EPSTI1: variants seen among roughly 807,000 people sequenced by gnomAD.
EPSTI1 encodes the protein epithelial-stromal interaction protein 1.
In EPSTI1, 66 loss-of-function variants were observed where a neutral mutation model predicts 49.9. The observed-to-expected ratio is 1.32, with a 90% CI of 1.08 to 1.62. The LOEUF (loss-of-function observed/expected upper bound fraction) is 1.62, where lower values mean the gene tolerates loss of function less well. EPSTI1 is among the 40% of genes most tolerant of loss of function. The probability of loss-of-function intolerance (pLI) is 0.00; values close to 1 mark genes in which losing one functional copy is unlikely to be tolerated. For synonymous variants in EPSTI1, 137 were observed against 130.7 expected, an observed-to-expected ratio of 1.05 and a Z score of -0.33; for missense variants, 394 against 365.5, an observed-to-expected ratio of 1.08 and a Z score of -0.64.
chr13:42,952,484 T>C (rs2039131100), intron 6 of EPSTI1, among the ~76,000 whole-genome samples: 1 of 152,164 alleles, frequency 6.6e-6, no homozygotes. Context: ...TCTCTACCCA[T>C]GAAAGGAGAG....
At position 42,905,578 on chromosome 13, in the gene EPSTI1, C is replaced by T. The variant is rs190526773; in HGVS notation, c.742-5195G>A. Among the ~76,000 whole-genome samples, 449 of 152,242 alleles carry T rather than the reference C, an allele frequency of 2.9e-3. 1 individual carries two copies. The highest frequency in any genetic ancestry group is 0.01 in the Middle Eastern group (3 of 294). ...CTTGTTTCAAGGACCAAGCTCGGGA[C>T]ATGAAAAGCATCAAAGTGCTCTAAG... On this transcript the variant is annotated intron_variant, in intron 8 of 10. Coordinates refer to ENST00000313624, the MANE Select transcript of EPSTI1 (RefSeq NM_033255.5).
chr13:42,893,090 AC>A (rs1252475889), intron 10 of EPSTI1, among the ~76,000 whole-genome samples: 1 of 152,176 alleles, frequency 6.6e-6, no homozygotes, highest in African/African-American at 2.4e-5. Context: ...AGATTCTAAA[AC>A]CTTGTAACAG....
intron 5 of EPSTI1, among the ~76,000 whole-genome samples, chr13:42,954,539 A>T (rs2039201044): frequency 1.3e-5 from 2 of 151,096 alleles, no homozygotes; most frequent in African/African-American, 2.4e-5. Flanking sequence ...CACATGTCAT[A>T]AAAAAAGCCA....
chr13:42,985,621 C>T (rs138464094), intron 1 of EPSTI1, among the ~76,000 whole-genome samples: 13 of 152,172 alleles, frequency 8.5e-5, no homozygotes, highest in Non-Finnish European at 1.3e-4. Context: ...ATCTTGGACA[C>T]GAATATGGGG....
chr13:42,975,762 G>A (rs1278828283), intron 1 of EPSTI1, among the ~76,000 whole-genome samples: 1 of 152,052 alleles, frequency 6.6e-6, no homozygotes, highest in Non-Finnish European at 1.5e-5. Context: ...GAATCGACCT[G>A]AGATGATGTA....
intron 1 of EPSTI1, among the ~76,000 whole-genome samples, chr13:42,981,835 T>C (rs1234712860): frequency 1.3e-5 from 2 of 152,052 alleles, no homozygotes; most frequent in Non-Finnish European, 2.9e-5. Flanking sequence ...AAGGTGAAAA[T>C]TGTTTTGTGA....
intron 6 of EPSTI1, among the ~76,000 whole-genome samples, chr13:42,935,159 C>T (rs1245910396): frequency 6.6e-6 from 1 of 152,246 alleles, no homozygotes; most frequent in Non-Finnish European, 1.5e-5. Flanking sequence ...ATACAGCTTT[C>T]TGTCATTCCA....
rs1001349980 is a variant in EPSTI1 at position 42,953,908 on chromosome 13, C to A, written c.563+40G>T. 2.6e-6 allele frequency: 4 copies of A among 1,515,280 alleles called. No individual in the cohort carries two copies. The Admixed American group carries it at 5.4e-5, about 20-fold the overall frequency. 93.9% of individuals were successfully genotyped at this position (1,515,280 alleles called of 1,614,324 possible). Reference sequence around the variant, plus strand: ...TGAATTTAAAACCTCTATGAACAATCTGCCTATAAAGGCACGAAGTTCTGA... The same window carrying A: ...TGAATTTAAAACCTCTATGAACAATATGCCTATAAAGGCACGAAGTTCTGA... On this transcript the variant is annotated intron_variant, in intron 6 of 10. Coordinates refer to ENST00000313624, the MANE Select transcript of EPSTI1 (RefSeq NM_033255.5).
chr13:42,890,755 T>C (rs967814760), intron 10 of EPSTI1, among the ~76,000 whole-genome samples: 2 of 152,176 alleles, frequency 1.3e-5, no homozygotes, highest in Non-Finnish European at 2.9e-5. Context: ...AATTTGAATG[T>C]AAATTCTTTT....
chr13:42,892,009 C>T (rs1023313738), intron 10 of EPSTI1, among the ~76,000 whole-genome samples: 5 of 152,180 alleles, frequency 3.3e-5, no homozygotes, highest in African/African-American at 1.2e-4. Flanking sequence ...CCAAGGTAAT[C>T]TCACTGAGAC....
At position 42,922,158 on chromosome 13, in the gene EPSTI1, A is replaced by G. The variant is rs1409051731; in HGVS notation, c.657+4178T>C. ...AGGAAGAAATGAGTTAATAAGGTCT[A>G]AAATTGATTAGTCAAGAGATACCAA... On this transcript the variant is annotated intron_variant, in intron 7 of 10. Coordinates refer to ENST00000313624, the MANE Select transcript of EPSTI1 (RefSeq NM_033255.5). The surrounding 1 kb of genome is among the most constrained non-coding windows in gnomAD (Gnocchi z 4.8). 6.6e-6 allele frequency among the ~76,000 whole-genome samples: 1 copy of G among 152,244 alleles called. No homozygotes were observed. Among genetic ancestry groups the G allele is most frequent in the Non-Finnish European group, 1.5e-5 (1 of 68,056 alleles).
At chr13:42,891,873 T>G (rs1026023085) in intron 10 of EPSTI1, among the ~76,000 whole-genome samples, 7 of 152,200 alleles carry the variant, frequency 4.6e-5, no homozygotes, top group East Asian at 1.9e-4. Flanking sequence ...CAACAAAACA[T>G]ACAAGGAAAT....
At chr13:42,972,353 G>T (rs748761895) in intron 1 of EPSTI1, among the ~76,000 whole-genome samples, 1 of 152,160 alleles carries the variant, frequency 6.6e-6, no homozygotes, top group African/African-American at 2.4e-5. Flanking sequence ...TTTTTAACAA[G>T]TTCCAAGATG....
At chr13:42,965,960 G>A (rs2039603146) in intron 3 of EPSTI1, among the ~76,000 whole-genome samples, 1 of 42,712 alleles carries the variant, frequency 2.3e-5, no homozygotes, top group Admixed American at 3.3e-4. Flanking sequence ...CGCCTGACTG[G>A]TTTTGGTGGA....
chr13:42,969,313 GA>G (rs2153432997), intron 2 of EPSTI1, 136 bp from the exon 3 acceptor site: 1 of 829,618 alleles, frequency 1.2e-6, no homozygotes, highest in East Asian at 2.7e-5. Flanking sequence ...TTCCAGGTTA[GA>G]AACACAATAT....
At chr13:42,923,091 A>T (rs999905799) in intron 7 of EPSTI1, among the ~76,000 whole-genome samples, 2 of 152,234 alleles carry the variant, frequency 1.3e-5, no homozygotes, top group African/African-American at 4.8e-5. Flanking sequence ...CATTCTAAAG[A>T]AAGAGACAGA....
chr13:42,938,441 G>A (rs1266872399), intron 6 of EPSTI1, among the ~76,000 whole-genome samples: 2 of 151,774 alleles, frequency 1.3e-5, no homozygotes, highest in Non-Finnish European at 2.9e-5. Context: ...ATTTTTTTAA[G>A]GGCCCTAGGA....
chr13:42,900,199 G>A (rs989870031), intron 9 of EPSTI1, 111 bp downstream of exon 9: 31 of 938,592 alleles, frequency 3.3e-5, no homozygotes, highest in South Asian at 8.5e-5. Context: ...AAGGTAACAC[G>A]CATTCCAAAA....
At chr13:42,908,484 G>A (rs12861217) in intron 8 of EPSTI1, among the ~76,000 whole-genome samples, 20,203 of 113,270 alleles carry the variant, frequency 0.18, 1,494 homozygotes, top group African/African-American at 0.23. Flanking sequence ...ACTCTGTTAT[G>A]AAAAAAAAAA....
Sources: allele counts gnomAD v4.1 joint callset (sites outside exome capture counted in the v4.1 genomes callset), GRCh38; gene constraint gnomAD v4.1.1; non-coding constraint Gnocchi (gnomAD v3.1); transcripts MANE v1.5; gene names NCBI Gene and HGNC (gene_info 2026-07-23, HGNC 2026-07-21).